NTN4: variants seen among roughly 807,000 people sequenced by gnomAD.
NTN4 encodes netrin 4, also known as netrin-4.
In NTN4, 32 loss-of-function variants were observed where a neutral mutation model predicts 73.6. The observed-to-expected ratio is 0.44, with a 90% CI of 0.33 to 0.58. NTN4 has a LOEUF of 0.58. Among genes scored for constraint, NTN4 ranks in the 20% least tolerant of loss-of-function variants. NTN4 has a pLI of 0.04. For missense variants in NTN4, 654 were observed against 798.3 expected, an observed-to-expected ratio of 0.82 and a Z score of 2.18; for synonymous variants, 258 against 287.5, an observed-to-expected ratio of 0.90 and a Z score of 1.04.
chr12:95,694,271 C>T (rs2078424080), intron 5 of NTN4, among the ~76,000 whole-genome samples: 1 of 151,616 alleles, frequency 6.6e-6, no homozygotes, highest in Non-Finnish European at 1.5e-5. Context: ...AGTTCAAGGC[C>T]CTTAGCTGGG....
chr12:95,681,239 A>AAT (rs1382996124), intron 7 of NTN4, among the ~76,000 whole-genome samples: 2 of 151,634 alleles, frequency 1.3e-5, no homozygotes, highest in African/African-American at 4.9e-5. Context: ...GGAATTCTGA[A>AAT]ATACTCAATA....
At chr12:95,699,681 G>A (rs913156014) in intron 5 of NTN4, among the ~76,000 whole-genome samples, 2 of 152,032 alleles carry the variant, frequency 1.3e-5, no homozygotes, top group Non-Finnish European at 2.9e-5. Context: ...AAAGATAGCT[G>A]GTTCATTTGG....
chr12:95,662,719 T>A (rs189330174), intron 9 of NTN4, among the ~76,000 whole-genome samples: 10 of 152,360 alleles, frequency 6.6e-5, no homozygotes, highest in Admixed American at 6.5e-4. Flanking sequence ...AATCTCAATA[T>A]TTAATTAACA....
chr12:95,736,645 T>C (rs1211875870), intron 3 of NTN4, among the ~76,000 whole-genome samples: 2 of 152,226 alleles, frequency 1.3e-5, no homozygotes, highest in Admixed American at 6.5e-5. Flanking sequence ...TTTGAAACAA[T>C]ACTGTAGGAT....
At chr12:95,673,632 A>G (rs1225799965) in intron 7 of NTN4, 1 of 152,474 alleles carries the variant, frequency 6.6e-6, no homozygotes, top group Admixed American at 6.6e-5. Context: ...CTTTTATAAA[A>G]AAAAAAAAGT....
In NTN4 at chr12:95,769,550, C is replaced by CAAAA. The variant is rs60702860; in HGVS notation, c.585+17385_585+17388dup. On this transcript the variant is annotated intron_variant, in intron 2 of 9. Transcript: ENST00000343702. ...CAGTGGTGGAAGAAGATTTATAGAC[C>CAAAA]AAAAAAAAAAAAAAAAAAGGAAATG... Among the ~76,000 whole-genome samples the CAAAA allele has an allele frequency of 6.9e-5, 9 of 130,370 alleles. No homozygotes were observed. The South Asian group carries it at 9.4e-4, about 14-fold the overall frequency. The allele number at this position is 130,370 out of a possible 152,430, so 85.5% of individuals were successfully genotyped here. A position where few individuals can be genotyped will look rare whatever the true frequency, so the allele number is the denominator to read the frequency against.
chr12:95,717,651 C>T (rs2078616673), intron 3 of NTN4, among the ~76,000 whole-genome samples: 1 of 147,420 alleles, frequency 6.8e-6, no homozygotes, highest in South Asian at 2.1e-4. Context: ...GCAAGTAAAA[C>T]TAGGTCTTCA....
intron 4 of NTN4, among the ~76,000 whole-genome samples, chr12:95,712,665 G>C (rs1330635532): frequency 6.6e-6 from 1 of 151,852 alleles, no homozygotes; most frequent in Admixed American, 6.6e-5. Context: ...TCAGTGGCGT[G>C]ATCTCGGCTC....
intron 3 of NTN4, among the ~76,000 whole-genome samples, chr12:95,723,490 T>C (rs2121125347): frequency 6.6e-6 from 1 of 152,292 alleles, no homozygotes; most frequent in Middle Eastern, 3.4e-3. Context: ...TATTGACTTG[T>C]TTTGCATCTA....
At chr12:95,765,882 G>A (rs192467423) in intron 2 of NTN4, among the ~76,000 whole-genome samples, 18 of 152,236 alleles carry the variant, frequency 1.2e-4, no homozygotes, top group Admixed American at 2.6e-4. Context: ...GGGTACTTTC[G>A]AGATTTGAGT....
rs972871667 is a variant in NTN4, at chr12:95,785,102, C to A, written c.585+1837G>T. On this transcript the variant is annotated intron_variant, in intron 2 of 9. Transcript: ENST00000343702. ...TGCAATTTCATAGATAAACAAGGCC[C>A]AGTAGAGATTACTATAGTCATCTTT... 2.7e-5 allele frequency among the ~76,000 whole-genome samples: 4 copies of A among 148,548 alleles called. No homozygotes were observed. In the South Asian group the frequency reaches 8.5e-4, roughly 32 times the overall value.
At chr12:95,703,988 C>T (rs2078505721) in intron 5 of NTN4, among the ~76,000 whole-genome samples, 1 of 152,072 alleles carries the variant, frequency 6.6e-6, no homozygotes, top group African/African-American at 2.4e-5. Flanking sequence ...AGTGCAGTGG[C>T]GTGATCCTAA....
intron 5 of NTN4, among the ~76,000 whole-genome samples, chr12:95,702,938 A>T (rs1398608409): frequency 6.7e-6 from 1 of 149,062 alleles, no homozygotes; most frequent in African/African-American, 2.5e-5. Flanking sequence ...GCTCACTGCA[A>T]CCTCTGCCTC....
At chr12:95,721,681 G>A (rs2078649156) in intron 3 of NTN4, among the ~76,000 whole-genome samples, 1 of 152,182 alleles carries the variant, frequency 6.6e-6, no homozygotes, top group African/African-American at 2.4e-5. Flanking sequence ...ATGACTTCTA[G>A]TCAGTTTAAA....
At chr12:95,752,395 A>T (rs1384118100) in intron 2 of NTN4, among the ~76,000 whole-genome samples, 1 of 150,778 alleles carries the variant, frequency 6.6e-6, no homozygotes, top group Non-Finnish European at 1.5e-5. Flanking sequence ...ACAACCCATT[A>T]TTCTGTTCTG....
intron 2 of NTN4, among the ~76,000 whole-genome samples, chr12:95,747,585 C>T (rs975019440): frequency 2.6e-5 from 4 of 151,960 alleles, no homozygotes; most frequent in Non-Finnish European, 5.9e-5. Context: ...ATTACAGGCA[C>T]GAGCCACTGT....
chr12:95,690,495 A>G (rs2078393939), intron 5 of NTN4, among the ~76,000 whole-genome samples: 1 of 152,236 alleles, frequency 6.6e-6, no homozygotes, highest in Non-Finnish European at 1.5e-5. Context: ...CTGTCTCTAC[A>G]TTAAATTTCC....
In NTN4 at chr12:95,678,989, A is replaced by G. The variant is rs574863071; in HGVS notation, c.1510+3718T>C. Among the ~76,000 whole-genome samples, 7 of 152,304 alleles carry G rather than the reference A, an allele frequency of 4.6e-5. No individual in the cohort carries two copies. The South Asian group carries it at 1.5e-3, about 32-fold the overall frequency. ...GTAAATTTAATGAAAGACAGGTAAA[A>G]CCATTTTGGAGAAAAGTGACAAATG... is the stretch of plus-strand genomic sequence containing the variant. On this transcript the variant is annotated intron_variant, in intron 7 of 9. Transcript: ENST00000343702.
chr12:95,684,252 A>G (rs2078342441), intron 5 of NTN4, among the ~76,000 whole-genome samples: 1 of 152,080 alleles, frequency 6.6e-6, no homozygotes, highest in Non-Finnish European at 1.5e-5. Flanking sequence ...TCAGGGGAGT[A>G]TGGGAGTAGA....
Sources: allele counts gnomAD v4.1 joint callset (sites outside exome capture counted in the v4.1 genomes callset), GRCh38; gene constraint gnomAD v4.1.1; transcripts MANE v1.5; gene names NCBI Gene and HGNC (gene_info 2026-07-23, HGNC 2026-07-21).